PIGU: variants seen among roughly 807,000 people sequenced by gnomAD.
PIGU encodes the protein GPI-anchor transamidase component PIGU.
A neutral mutation model predicts 49.9 loss-of-function variants in PIGU; 24 were observed. That is an observed-to-expected ratio of 0.48 (90% confidence interval 0.35 to 0.68). The LOEUF is 0.68. PIGU is among the 30% of genes least tolerant of loss of function. The pLI is 0.01. For synonymous variants in PIGU, 220 were observed against 205.7 expected, an observed-to-expected ratio of 1.07 and a Z score of -0.59; for missense variants, 490 against 532.6, an observed-to-expected ratio of 0.92 and a Z score of 0.79.
intron 1 of PIGU, among the ~76,000 whole-genome samples, chr20:34,670,303 C>A (rs1207261880): frequency 6.6e-6 from 1 of 151,428 alleles, no homozygotes; most frequent in African/African-American, 2.4e-5. Flanking sequence ...GATTCTCCTG[C>A]CTCAGCCTCC....
intron 7 of PIGU, among the ~76,000 whole-genome samples, chr20:34,612,831 C>T (rs937959304): frequency 1.3e-4 from 20 of 151,896 alleles, no homozygotes; most frequent in Admixed American, 9.2e-4. Context: ...TCATGTTGGC[C>T]AGGCTGGTCT....
At chr20:34,648,436 G>C (rs538411428) in intron 2 of PIGU, among the ~76,000 whole-genome samples, 6 of 152,126 alleles carry the variant, frequency 3.9e-5, no homozygotes, top group Non-Finnish European at 8.8e-5. Context: ...AAATATTCTT[G>C]ATCTGATAGT....
At chr20:34,599,195 G>A (rs2146724207) in intron 7 of PIGU, among the ~76,000 whole-genome samples, 1 of 152,286 alleles carries the variant, frequency 6.6e-6, no homozygotes, top group East Asian at 1.9e-4. Flanking sequence ...GGCCATGCCT[G>A]TAATCCCAGC....
At chr20:34,612,057 C>CA (rs774695037) in intron 7 of PIGU, among the ~76,000 whole-genome samples, 10 of 152,158 alleles carry the variant, frequency 6.6e-5, no homozygotes, top group Non-Finnish European at 1.3e-4. Flanking sequence ...GATATATGCA[C>CA]ACGTATGTTT....
intron 2 of PIGU, among the ~76,000 whole-genome samples, chr20:34,650,700 CTTTTTTTTTTTTT>C (rs59998699): frequency 9.8e-4 from 38 of 38,796 alleles, no homozygotes; most frequent in Middle Eastern, 0.025. Flanking sequence ...CTTTTTTTCT[CTTTTTTTTTTTTT>C]TTTTTTTTTT....
intron 1 of PIGU, among the ~76,000 whole-genome samples, chr20:34,664,135 TATGTAAAAC>T (rs1240070409): frequency 1.3e-5 from 2 of 152,212 alleles, no homozygotes; most frequent in African/African-American, 4.8e-5. Context: ...AGGGTCAGAC[TATGTAAAAC>T]ATGTAAAACA....
chr20:34,615,076 T>A (rs1385975855), intron 7 of PIGU, among the ~76,000 whole-genome samples: 2 of 152,280 alleles, frequency 1.3e-5, no homozygotes, highest in African/African-American at 4.8e-5. Flanking sequence ...TGTCATTCGC[T>A]GGTCCTGTGA....
rs1324004803 is a variant in PIGU at position 34,654,229 on chromosome 20, G to A, written c.195+2951C>T. 4.7e-5 allele frequency among the ~76,000 whole-genome samples: 5 copies of A among 106,154 alleles called. 1 individual carries two copies. Among genetic ancestry groups the A allele is most frequent in the East Asian group, 6.4e-4 (2 of 3,138 alleles). The allele number at this position is 106,154 out of a possible 152,430, so 69.6% of individuals were successfully genotyped here. On this transcript the variant is annotated intron_variant, in intron 2 of 11. Coordinates refer to ENST00000217446, the MANE Select transcript of PIGU (RefSeq NM_080476.5). ...TGTAATCCTAGCACTTTGGGAGGCC[G>A]AGGCAGGTGGATCACCTGAGGTCAG...
chr20:34,635,387 C>A (rs1164238549), intron 5 of PIGU, among the ~76,000 whole-genome samples: 1 of 152,134 alleles, frequency 6.6e-6, no homozygotes, highest in African/African-American at 2.4e-5. Context: ...TCAAGTGTTA[C>A]AGAACTTCAA....
chr20:34,603,216 T>C (rs956053744), intron 7 of PIGU, among the ~76,000 whole-genome samples: 17 of 152,280 alleles, frequency 1.1e-4, no homozygotes, highest in South Asian at 4.1e-4. Flanking sequence ...ACTTTGGTGG[T>C]GGGTAATGTT....
chr20:34,588,402 G>GGA, intron 8 of PIGU, 51 bp downstream of exon 8: 1 of 1,535,232 alleles, frequency 6.5e-7, no homozygotes, highest in East Asian at 2.3e-5. Context: ...GTATACAAGG[G>GGA]TTCCCTTTTC....
intron 6 of PIGU, among the ~76,000 whole-genome samples, chr20:34,621,927 T>C (rs1443259661): frequency 6.6e-6 from 1 of 152,098 alleles, no homozygotes; most frequent in Admixed American, 6.6e-5. Flanking sequence ...AGCTGACACC[T>C]GAGTTTTGAA....
chr20:34,589,552 C>T (rs907695016), intron 7 of PIGU, among the ~76,000 whole-genome samples: 4 of 151,380 alleles, frequency 2.6e-5, no homozygotes, highest in African/African-American at 9.7e-5. Context: ...GGGGTTTCAC[C>T]ATGTTGGCCA....
intron 6 of PIGU, among the ~76,000 whole-genome samples, chr20:34,633,405 C>T (rs1334200410): frequency 1.3e-5 from 2 of 152,038 alleles, no homozygotes; most frequent in African/African-American, 4.8e-5. Context: ...TCAAGGCTTC[C>T]GTGAGCCATG....
At chr20:34,615,749 G>C (rs760680403) in intron 7 of PIGU, among the ~76,000 whole-genome samples, 1 of 152,012 alleles carries the variant, frequency 6.6e-6, no homozygotes, top group Non-Finnish European at 1.5e-5. Context: ...TCAGTTATTC[G>C]ACAGAAAAAA....
chr20:34,649,114 G>A (rs569742887), intron 2 of PIGU, among the ~76,000 whole-genome samples: 84 of 152,146 alleles, frequency 5.5e-4, no homozygotes, highest in Admixed American at 3.8e-3. Context: ...TGATCCGCCC[G>A]CCTTGGCCTC....
Position 34,657,222 on chromosome 20 carries a change from C to T in PIGU, c.153G>A (p.Leu51=). The change falls in exon 2 of 12, where the codon TTG becomes TTA. Residue 51 remains leucine (L), a synonymous_variant. Transcript: ENST00000217446. Reference sequence around the variant, plus strand: ...CAGAATACGGAGATACTCCCAAGTCCAACAGTGAAAGGCCTTCAACCACTG... The same window carrying T: ...CAGAATACGGAGATACTCCCAAGTCTAACAGTGAAAGGCCTTCAACCACTG... ...WKRVVEGLSL[L]DLGVSPYSGA... is the part of the protein sequence containing the mutation. 5.0e-6 allele frequency: 8 copies of T among 1,613,032 alleles called. No homozygotes were observed. In the South Asian group the frequency reaches 8.8e-5, roughly 18 times the overall value.
intron 4 of PIGU, among the ~76,000 whole-genome samples, chr20:34,640,495 ACGCG>A (rs5841175): frequency 0.018 from 2,094 of 119,270 alleles, 47 homozygotes; most frequent in African/African-American, 0.058. Context: ...ACATGTGCGC[ACGCG>A]CACACACACA....
intron 11 of PIGU, chr20:34,562,448 C>T (rs184246014): frequency 9.5e-5 from 122 of 1,288,774 alleles, no homozygotes; most frequent in Non-Finnish European, 1.2e-4. Flanking sequence ...GAAGGTAACA[C>T]AACAGCAGCT....
Sources: allele counts gnomAD v4.1 joint callset (sites outside exome capture counted in the v4.1 genomes callset), GRCh38; gene constraint gnomAD v4.1.1; transcripts MANE v1.5; gene names NCBI Gene and HGNC (gene_info 2026-07-23, HGNC 2026-07-21).